DCC: variants seen among roughly 807,000 people sequenced by gnomAD.
The protein encoded by DCC is netrin receptor DCC.
Under a neutral mutation model 172.5 loss-of-function variants are expected in DCC, and 58 were observed. That is an observed-to-expected ratio of 0.34 (90% CI 0.27 to 0.42). The LOEUF is 0.42. Ranked by LOEUF, DCC falls within the 10% of genes least tolerant of loss-of-function variation. The probability of loss-of-function intolerance (pLI) is 1.00; values close to 1 mark genes in which losing one functional copy is unlikely to be tolerated. For missense variants in DCC, 1,740 were observed against 1,791.0 expected (o/e 0.97, Z 0.51); for synonymous variants, 709 against 644.5 (o/e 1.10, Z -1.52).
At chr18:52,678,598 A>T (rs912544760) in intron 1 of DCC, among the ~76,000 whole-genome samples, 16 of 152,166 alleles carry the variant, frequency 1.1e-4, no homozygotes, top group Non-Finnish European at 1.9e-4. Context: ...TGTCCTTTTT[A>T]AAAAATGCTC....
intron 1 of DCC, among the ~76,000 whole-genome samples, chr18:52,526,495 C>T (rs973176796): frequency 1.3e-5 from 2 of 150,934 alleles, no homozygotes; most frequent in Non-Finnish European, 2.9e-5. Flanking sequence ...CTGAGGGCCA[C>T]GAAATGGGCA....
In DCC at chr18:52,340,493, C is replaced by G. The variant is rs1983576832; in HGVS notation, c.-295C>G. 2.0e-6 allele frequency: 1 copy of G among 496,414 alleles called. No homozygotes were observed. Among genetic ancestry groups the G allele is most frequent in the Non-Finnish European group, 3.7e-6 (1 of 272,434 alleles). 30.8% of individuals were successfully genotyped at this position (496,414 alleles called of 1,614,324 possible). ...CTGTCTTCCCTCCTCTGGCTCCCTC[C>G]GTTTCCTTGAGTTAGTTTTCTAAGG... On this transcript the variant is annotated 5_prime_UTR_variant, in exon 1 of 29. Transcript: ENST00000442544.
At chr18:52,651,189 G>A (rs1235779094) in intron 1 of DCC, among the ~76,000 whole-genome samples, 5 of 152,040 alleles carry the variant, frequency 3.3e-5, no homozygotes, top group Non-Finnish European at 7.4e-5. Context: ...TTGAGAGTAG[G>A]TGTCGCTCTG....
intron 5 of DCC, among the ~76,000 whole-genome samples, chr18:52,949,776 T>C (rs1374434477): frequency 6.6e-6 from 1 of 152,248 alleles, no homozygotes; most frequent in Non-Finnish European, 1.5e-5. Context: ...ATCTTGGTGA[T>C]AATATATTTT....
chr18:52,839,761 A>G (rs1260458673), intron 2 of DCC, among the ~76,000 whole-genome samples: 1 of 152,196 alleles, frequency 6.6e-6, no homozygotes, highest in East Asian at 1.9e-4. Flanking sequence ...CAGTTTGTGC[A>G]ACAGTACCTG....
At chr18:52,624,113 A>T (rs754103174) in intron 1 of DCC, among the ~76,000 whole-genome samples, 5 of 152,188 alleles carry the variant, frequency 3.3e-5, no homozygotes, top group Non-Finnish European at 5.9e-5. Context: ...TCCAGACAGT[A>T]AATCACACAG....
At chr18:52,437,237 A>G (rs1028329060) in intron 1 of DCC, among the ~76,000 whole-genome samples, 7 of 152,200 alleles carry the variant, frequency 4.6e-5, no homozygotes, top group Admixed American at 3.9e-4. Flanking sequence ...GGGCTCTGAA[A>G]CATCCAGCTG....
Position 53,300,608 on chromosome 18 carries a change from T to G in DCC, c.1912-4970T>G, listed in dbSNP as rs541360224. On this transcript the variant is annotated intron_variant, in intron 12 of 28. Transcript: ENST00000442544. ...AAATAGAAACACACATAAAACAAGG[T>G]TGGGTACCCATCAGTTGACAAAAAT... is the stretch of plus-strand genomic sequence containing the variant. 2.6e-5 allele frequency among the ~76,000 whole-genome samples: 4 copies of G among 152,228 alleles called. No individual in the cohort carries two copies. The South Asian group carries it at 8.3e-4, about 32-fold the overall frequency.
At chr18:53,257,761 G>A (rs1484420329) in intron 12 of DCC, among the ~76,000 whole-genome samples, 4 of 152,090 alleles carry the variant, frequency 2.6e-5, no homozygotes, top group African/African-American at 7.2e-5. Context: ...TTTTTCTATT[G>A]ATTGGAATAA....
At chr18:52,427,868 C>G (rs1301341543) in intron 1 of DCC, among the ~76,000 whole-genome samples, 1 of 132,594 alleles carries the variant, frequency 7.5e-6, no homozygotes, top group Non-Finnish European at 1.7e-5. Flanking sequence ...TCCTTCCTTC[C>G]TTCCTTCCTT....
In DCC at chr18:53,526,689, T is replaced by TTGCTGGAAAAGCAAGA; in HGVS notation, c.4185_4186insGCTGGAAAAGCAAGAT (p.Pro1396AlafsTer14). 1 of 1,613,616 alleles carries TTGCTGGAAAAGCAAGA rather than the reference T, an allele frequency of 6.2e-7. No homozygotes were observed. On this transcript the variant is annotated frameshift_variant, in exon 28 of 29. Transcript: ENST00000442544. LOFTEE classifies it high-confidence loss of function. Reference sequence around the variant, plus strand: ...GCTGGAAAAGCAAGATCCCCTTTGCTTCCTGTGTCTGTGCCAACAGCCCCT... The same window carrying TTGCTGGAAAAGCAAGA: ...GCTGGAAAAGCAAGATCCCCTTTGCTTGCTGGAAAAGCAAGATCCTGTGTCTGTGCCAACAGCCCCT...
At chr18:52,581,245 T>C (rs1418946302) in intron 1 of DCC, among the ~76,000 whole-genome samples, 1 of 81,806 alleles carries the variant, frequency 1.2e-5, no homozygotes, top group Non-Finnish European at 2.7e-5. Context: ...AGAGTGAGTC[T>C]TGGTACCAGA....
intron 12 of DCC, among the ~76,000 whole-genome samples, chr18:53,266,401 G>A (rs184618194): frequency 3.8e-4 from 58 of 152,212 alleles, no homozygotes; most frequent in Non-Finnish European, 4.0e-4. Context: ...TATGATTTTT[G>A]TTATTTGATT....
intron 7 of DCC, among the ~76,000 whole-genome samples, chr18:53,152,175 T>G (rs1223451192): frequency 1.3e-5 from 2 of 152,192 alleles, no homozygotes; most frequent in African/African-American, 4.8e-5. Context: ...ATTTGTAATA[T>G]TTTAGTGAGC....
intron 7 of DCC, among the ~76,000 whole-genome samples, chr18:53,094,740 G>A (rs2043061373): frequency 6.6e-6 from 1 of 152,138 alleles, no homozygotes; most frequent in African/African-American, 2.4e-5. Flanking sequence ...TCCAGTGATT[G>A]CATCATGATT....
intron 15 of DCC, among the ~76,000 whole-genome samples, chr18:53,368,295 G>C (rs188833942): frequency 6.6e-6 from 1 of 152,160 alleles, no homozygotes; most frequent in African/African-American, 2.4e-5. Context: ...GTTTGTATTT[G>C]ATGTTGAGTT....
At chr18:53,222,576 C>T (rs750197449) in intron 12 of DCC, among the ~76,000 whole-genome samples, 3 of 151,338 alleles carry the variant, frequency 2.0e-5, no homozygotes, top group African/African-American at 4.9e-5. Context: ...TTAGTAGAGA[C>T]GGGGTTTCAC....
chr18:52,648,048 A>G (rs1476245851), intron 1 of DCC, among the ~76,000 whole-genome samples: 3 of 152,236 alleles, frequency 2.0e-5, no homozygotes, highest in Admixed American at 1.3e-4. Flanking sequence ...TAGGAACGAG[A>G]TGTTCAAAGG....
intron 7 of DCC, among the ~76,000 whole-genome samples, chr18:53,116,483 A>G (rs548313087): frequency 2.7e-4 from 41 of 151,856 alleles, no homozygotes; most frequent in African/African-American, 7.0e-4. Flanking sequence ...TCCTGCTTCA[A>G]TGGAATGACT....
Sources: allele counts gnomAD v4.1 joint callset (sites outside exome capture counted in the v4.1 genomes callset), GRCh38; gene constraint gnomAD v4.1.1; transcripts MANE v1.5; gene names NCBI Gene and HGNC (gene_info 2026-07-23, HGNC 2026-07-21).